The following PRR33 variants were observed in gnomAD, a reference collection of about 807,000 sequenced individuals.
PRR33 encodes the protein proline-rich protein 33.
PRR33 carries 1 observed loss-of-function variant against 0.5 expected under a neutral mutation model. The ratio of observed to expected loss-of-function variants is 2.18; its 90% CI spans 0.77 to 10.34. PRR33 has a LOEUF of 10.34. Ranked by LOEUF, PRR33 falls within the 30% of genes most tolerant of loss-of-function variation. PRR33 has a pLI of 0.13. For missense variants in PRR33, 552 were observed against 251.8 expected, an observed-to-expected ratio of 2.19 and a Z score of -8.07; for synonymous variants, 226 against 110.0, an observed-to-expected ratio of 2.06 and a Z score of -6.60.
the PRR33 span, among the ~76,000 whole-genome samples, chr11:1,908,494 C>G: frequency 6.6e-6 from 1 of 151,966 alleles, no homozygotes; most frequent in Admixed American, 6.6e-5. Context: ...CATTTTCTTG[C>G]TACAGATTCC....
At chr11:1,890,023 A>T (rs577152160) in exon 1 of PRR33, 11 of 681,820 alleles carry the variant, frequency 1.6e-5, no homozygotes, top group Non-Finnish European at 2.7e-5. Flanking sequence ...TTGTGTGGGG[A>T]TGGTGCCAGC....
the PRR33 span, among the ~76,000 whole-genome samples, chr11:1,901,111 ACCAG>A: frequency 6.6e-6 from 1 of 152,228 alleles, no homozygotes; most frequent in African/African-American, 2.4e-5. Flanking sequence ...GGAGTTCCAG[ACCAG>A]CCTGGCCAAT....
upstream of PRR33, among the ~76,000 whole-genome samples, chr11:1,894,224 AGTGTGTGTGTGT>A (rs71025790): frequency 1.6e-5 from 2 of 127,630 alleles, no homozygotes; most frequent in Non-Finnish European, 3.2e-5. Context: ...GGAGTGTGGG[AGTGTGTGTGTGT>A]GTGTGTGTGT....
the PRR33 span, among the ~76,000 whole-genome samples, chr11:1,898,546 T>G: frequency 4.6e-5 from 7 of 151,804 alleles, no homozygotes; most frequent in Non-Finnish European, 8.8e-5. Flanking sequence ...AGGGATACAT[T>G]TTAAATCTTT....
the PRR33 span, among the ~76,000 whole-genome samples, chr11:1,913,046 C>T: frequency 1.3e-5 from 2 of 152,112 alleles, no homozygotes; most frequent in Non-Finnish European, 2.9e-5. Context: ...ATTTCATAAA[C>T]TAGATGCATA....
At chr11:1,898,725 A>C in the PRR33 span, among the ~76,000 whole-genome samples, 1 of 149,414 alleles carries the variant, frequency 6.7e-6, no homozygotes, top group South Asian at 2.3e-4. Context: ...TTTCACCCAG[A>C]CCGGGCACAG....
At chr11:1,902,242 A>AC in the PRR33 span, among the ~76,000 whole-genome samples, 1 of 151,772 alleles carries the variant, frequency 6.6e-6, no homozygotes, top group Admixed American at 6.6e-5. Flanking sequence ...AAAAAAAAAA[A>AC]AAAAACACAC....
At chr11:1,913,172 C>T in the PRR33 span, among the ~76,000 whole-genome samples, 1 of 152,002 alleles carries the variant, frequency 6.6e-6, no homozygotes, top group Non-Finnish European at 1.5e-5. Flanking sequence ...GCTCTGTCGC[C>T]CAGGCTGGAG....
chr11:1,909,340 C>T, the PRR33 span, among the ~76,000 whole-genome samples: 1 of 151,322 alleles, frequency 6.6e-6, no homozygotes, highest in Non-Finnish European at 1.5e-5. Flanking sequence ...GGGCCGGGCG[C>T]GGTGGCTCAT....
the PRR33 span, among the ~76,000 whole-genome samples, chr11:1,899,284 C>T: frequency 1.2e-4 from 18 of 152,062 alleles, no homozygotes; most frequent in Admixed American, 1.0e-3. Flanking sequence ...TGGAGTCTGG[C>T]GATGCCCTCT....
the PRR33 span, among the ~76,000 whole-genome samples, chr11:1,914,092 C>T: frequency 6.6e-6 from 1 of 152,294 alleles, no homozygotes; most frequent in South Asian, 2.1e-4. Context: ...CGGTTCCCAC[C>T]TGTGCATTAC....
At chr11:1,906,049 C>G in the PRR33 span, among the ~76,000 whole-genome samples, 1 of 148,346 alleles carries the variant, frequency 6.7e-6, no homozygotes, top group Non-Finnish European at 1.5e-5. Context: ...TGGTCTTGAA[C>G]TCCTGGACTC....
upstream of PRR33, among the ~76,000 whole-genome samples, chr11:1,894,224 AGTGT>A (rs71025790): frequency 0.15 from 19,438 of 127,630 alleles, 1,583 homozygotes; most frequent in South Asian, 0.29. Context: ...GGAGTGTGGG[AGTGT>A]GTGTGTGTGT....
the PRR33 span, among the ~76,000 whole-genome samples, chr11:1,915,487 A>G: frequency 9.5e-6 from 1 of 105,424 alleles, no homozygotes; most frequent in African/African-American, 4.0e-5. Context: ...ACCTCAGATG[A>G]TGTTTCTTTG....
At chr11:1,905,963 C>T in the PRR33 span, among the ~76,000 whole-genome samples, 1 of 151,512 alleles carries the variant, frequency 6.6e-6, no homozygotes, top group Non-Finnish European at 1.5e-5. Flanking sequence ...TGACTACTGG[C>T]ACATGCCACC....
upstream of PRR33, among the ~76,000 whole-genome samples, chr11:1,893,688 A>G (rs1042529341): frequency 1.3e-5 from 2 of 149,646 alleles, no homozygotes; most frequent in East Asian, 4.0e-4. Flanking sequence ...GGATGGATAG[A>G]TAGATAATGG....
At chr11:1,905,729 C>T in the PRR33 span, among the ~76,000 whole-genome samples, 2 of 151,926 alleles carry the variant, frequency 1.3e-5, no homozygotes, top group African/African-American at 4.8e-5. Flanking sequence ...GCTGGGATTA[C>T]AGGTGTGAGC....
upstream of PRR33, among the ~76,000 whole-genome samples, chr11:1,895,005 C>T (rs1849108118): frequency 1.3e-5 from 2 of 152,196 alleles, no homozygotes; most frequent in Admixed American, 1.3e-4. Flanking sequence ...ACCAGGGGTG[C>T]CGTGCAGCTT....
chr11:1,908,525 G>A, the PRR33 span, among the ~76,000 whole-genome samples: 4 of 151,946 alleles, frequency 2.6e-5, no homozygotes, highest in African/African-American at 4.8e-5. Context: ...CAAGAGGACC[G>A]TCGCTAAGTA....
Sources: allele counts gnomAD v4.1 joint callset (sites outside exome capture counted in the v4.1 genomes callset), GRCh38; gene constraint gnomAD v4.1.1; transcripts MANE v1.5; gene names NCBI Gene and HGNC (gene_info 2026-07-23, HGNC 2026-07-21).